Variants in MIR17HG observed in about 807,000 individuals in gnomAD.
The protein encoded by MIR17HG is miR-17-92a-1 cluster host gene, also known as MIR17 host gene (non-protein coding).
chr13:91,347,711 TGCC>T (rs576468350), upstream of MIR17HG: 8 of 152,628 alleles, frequency 5.2e-5, no homozygotes, highest in Non-Finnish European at 1.0e-4. Flanking sequence ...TCCTTCGAGG[TGCC>T]GCCGCCGCCG....
At chr13:91,349,381 C>CT (rs1216434432) in intron 1 of MIR17HG, among the ~76,000 whole-genome samples, 318 of 146,872 alleles carry the variant, frequency 2.2e-3, no homozygotes, top group African/African-American at 6.1e-3. Flanking sequence ...CTGTGGGCTG[C>CT]TTTTTTTTTT....
chr13:91,350,639 A>G (rs1339548313), intron 3 of MIR17HG: 1 of 534,730 alleles, frequency 1.9e-6, no homozygotes, highest in East Asian at 5.4e-5. Flanking sequence ...CAGTGCAGGT[A>G]GTGATATGTG....
chr13:91,353,304 G>A (rs1031117881), intron 3 of MIR17HG, among the ~76,000 whole-genome samples: 4 of 152,120 alleles, frequency 2.6e-5, no homozygotes, highest in African/African-American at 7.2e-5. Flanking sequence ...AGACTTAAAT[G>A]GCTTTTCTCC....
chr13:91,351,048 C>G, intron 3 of MIR17HG: 1 of 526,284 alleles, frequency 1.9e-6, no homozygotes, highest in South Asian at 1.4e-5. Flanking sequence ...CCTGGTCTAT[C>G]TGATGTGACA....
intron 3 of MIR17HG, among the ~76,000 whole-genome samples, chr13:91,353,780 CTT>C (rs60480664): frequency 2.6e-4 from 35 of 137,008 alleles, no homozygotes; most frequent in Admixed American, 3.7e-4. Flanking sequence ...AATGGGTCAA[CTT>C]TTTTTTTTTT....
chr13:91,351,556 G>A (rs1369887390), intron 3 of MIR17HG: 10 of 333,758 alleles, frequency 3.0e-5, no homozygotes, highest in Admixed American at 1.1e-4. Flanking sequence ...TTGGGGTTGC[G>A]TGTCAGATTT....
intron 1 of MIR17HG, among the ~76,000 whole-genome samples, chr13:91,348,994 C>G (rs1029841561): frequency 1.9e-4 from 29 of 149,006 alleles, no homozygotes; most frequent in Non-Finnish European, 9.0e-5. Context: ...TCGGCGCCGC[C>G]GGTCGCCGCG....
intron 1 of MIR17HG, among the ~76,000 whole-genome samples, chr13:91,349,313 CTT>C (rs1407188054): frequency 6.6e-6 from 1 of 152,044 alleles, no homozygotes; most frequent in Non-Finnish European, 1.5e-5. Flanking sequence ...AGAAACAACT[CTT>C]TATCCCGGCT....
intron 3 of MIR17HG, chr13:91,351,391 G>C (rs1236049054): frequency 1.9e-6 from 1 of 517,674 alleles, no homozygotes; most frequent in Non-Finnish European, 4.1e-6. Context: ...GTTGAGTTTG[G>C]TGGGGATTGT....
chr13:91,353,663 A>C (rs942653325), intron 3 of MIR17HG, among the ~76,000 whole-genome samples: 2 of 152,220 alleles, frequency 1.3e-5, no homozygotes, highest in Admixed American at 1.3e-4. Flanking sequence ...AGAAAAAACA[A>C]CTTTGACCCT....
intron 3 of MIR17HG, chr13:91,352,164 C>G (rs945124709): frequency 2.0e-5 from 3 of 152,124 alleles, no homozygotes; most frequent in Non-Finnish European, 4.4e-5. Flanking sequence ...TTCCCTACTC[C>G]CTACGTAAGC....
chr13:91,350,234 T>C (rs1875226813), intron 3 of MIR17HG: 1 of 201,778 alleles, frequency 5.0e-6, no homozygotes, highest in African/African-American at 2.4e-5. Context: ...AAGGTACACA[T>C]GGACTAAATT....
At chr13:91,353,051 A>G (rs1006763948) in intron 3 of MIR17HG, among the ~76,000 whole-genome samples, 2 of 140,888 alleles carry the variant, frequency 1.4e-5, no homozygotes, top group Non-Finnish European at 3.1e-5. Flanking sequence ...TGGAGGTTTC[A>G]GTGAGCTGAG....
At chr13:91,350,694 C>T in intron 3 of MIR17HG, 1 of 534,034 alleles carries the variant, frequency 1.9e-6, no homozygotes, top group South Asian at 1.4e-5. Context: ...GTGACAGCTG[C>T]CTCGGGAAGC....
intron 1 of MIR17HG, among the ~76,000 whole-genome samples, chr13:91,349,270 T>A (rs560560072): frequency 2.6e-4 from 40 of 152,132 alleles, no homozygotes; most frequent in Non-Finnish European, 5.1e-4. Flanking sequence ...AAAGAGAAAA[T>A]TAACGGCATG....
intron 3 of MIR17HG, chr13:91,350,936 A>G (rs1399638017): frequency 3.7e-6 from 2 of 534,342 alleles, no homozygotes; most frequent in East Asian, 5.4e-5. Context: ...AGAAGAATGT[A>G]GTTGTGCAAA....
At position 91,354,530 on chromosome 13, in the gene MIR17HG, TAAG is replaced by T. The variant is rs1361047249; in HGVS notation, n.885_887del. On this transcript the variant is annotated non_coding_transcript_exon_variant, in exon 4 of 4. Transcript: ENST00000400282. ...ATAAAATACTGCATTTTAAAGCTGT[TAAG>T]AAATTGTCCAGAACGAGAATATTGA... is the stretch of plus-strand genomic sequence containing the variant. The T allele has an allele frequency of 2.6e-5, 4 of 152,184 alleles. No individual in the cohort carries two copies. In the South Asian group the frequency reaches 6.2e-4, roughly 24 times the overall value. 9.4% of individuals were successfully genotyped at this position (152,184 alleles called of 1,614,324 possible). A position where few individuals can be genotyped will look rare whatever the true frequency, so the allele number is the denominator to read the frequency against.
chr13:91,347,771 G>C (rs909764891), upstream of MIR17HG: 4 of 152,256 alleles, frequency 2.6e-5, no homozygotes, highest in African/African-American at 9.7e-5. Flanking sequence ...GCGAGGCCGA[G>C]GGGGTGGGGA....
At chr13:91,347,915 A>T (rs1164328234) in exon 1 of MIR17HG, 5 of 151,268 alleles carry the variant, frequency 3.3e-5, no homozygotes, top group African/African-American at 9.7e-5. Flanking sequence ...CGGGAGCAGG[A>T]GCCCGCGGCC....
Sources: gnomAD v4.1 joint callset for allele counts (sites outside exome capture counted in the v4.1 genomes callset) on GRCh38, gnomAD v4.1.1 for gene constraint, MANE v1.5 for transcripts, NCBI Gene and HGNC (gene_info 2026-07-23, HGNC 2026-07-21) for gene names.